Variants in MTFR1 observed in about 807,000 individuals in gnomAD.
MTFR1 encodes the protein chondrocyte protein with a poly-proline region.
A neutral mutation model predicts 38.8 loss-of-function variants in MTFR1; 28 were observed. The ratio of observed to expected loss-of-function variants is 0.72; its 90% CI spans 0.53 to 0.99. The LOEUF (loss-of-function observed/expected upper bound fraction) is 0.99, where lower values mean the gene tolerates loss of function less well. Ranked by LOEUF, MTFR1 falls within the 50% of genes least tolerant of loss-of-function variation. The probability of loss-of-function intolerance (pLI) is 0.00; values close to 1 mark genes in which losing one functional copy is unlikely to be tolerated. For missense variants in MTFR1, 358 were observed against 395.5 expected (o/e 0.91, Z 0.81); for synonymous variants, 145 against 137.0 (o/e 1.06, Z -0.41).
intron 3 of MTFR1, chr8:65,727,074 A>G: frequency 1.0e-6 from 1 of 1,001,204 alleles, no homozygotes; most frequent in African/African-American, 1.6e-5. Flanking sequence ...TCTAACATTC[A>G]TTGAGAATTT....
chr8:65,703,074 A>G (rs1159530470), intron 4 of MTFR1, among the ~76,000 whole-genome samples: 1 of 151,964 alleles, frequency 6.6e-6, no homozygotes, highest in African/African-American at 2.4e-5. Context: ...TTAACTGTTA[A>G]ACGTTTAAGG....
At chr8:65,658,465 A>C (rs1322371045) in intron 1 of MTFR1, among the ~76,000 whole-genome samples, 2 of 152,198 alleles carry the variant, frequency 1.3e-5, no homozygotes, top group Non-Finnish European at 2.9e-5. Context: ...TATTTCCAAT[A>C]TTTATCTGGG....
At chr8:65,716,822 T>C (rs146335165) in intron 2 of MTFR1, among the ~76,000 whole-genome samples, 1 of 152,318 alleles carries the variant, frequency 6.6e-6, no homozygotes, top group African/African-American at 2.4e-5. Flanking sequence ...CTGTACACAT[T>C]AAATATAGGC....
intron 3 of MTFR1, among the ~76,000 whole-genome samples, chr8:65,764,079 C>G (rs1433462444): frequency 6.6e-6 from 1 of 152,140 alleles, no homozygotes; most frequent in Non-Finnish European, 1.5e-5. Flanking sequence ...GCAGAATGCT[C>G]TGTGTCCTAA....
intron 1 of MTFR1, among the ~76,000 whole-genome samples, chr8:65,658,626 A>C (rs1809330979): frequency 6.6e-6 from 1 of 152,072 alleles, no homozygotes; most frequent in Non-Finnish European, 1.5e-5. Flanking sequence ...GCACATATAC[A>C]CACACACACA....
At chr8:65,707,528 C>T (rs1188645334) in intron 6 of MTFR1, among the ~76,000 whole-genome samples, 1 of 152,212 alleles carries the variant, frequency 6.6e-6, no homozygotes, top group African/African-American at 2.4e-5. Flanking sequence ...TGAGCATTCA[C>T]TAATTCAATA....
intron 3 of MTFR1, among the ~76,000 whole-genome samples, chr8:65,742,015 A>G (rs1489672574): frequency 1.3e-5 from 2 of 152,258 alleles, no homozygotes; most frequent in Non-Finnish European, 2.9e-5. Context: ...CATGCAAGAT[A>G]CCAACTGAGG....
upstream of MTFR1, among the ~76,000 whole-genome samples, chr8:65,644,403 C>T (rs893271123): frequency 5.9e-5 from 9 of 152,190 alleles, no homozygotes; most frequent in Non-Finnish European, 8.8e-5. Flanking sequence ...GCTTACGACT[C>T]GCAGCCTTTT....
intron 4 of MTFR1, among the ~76,000 whole-genome samples, chr8:65,695,141 A>G (rs923545344): frequency 6.6e-6 from 1 of 152,232 alleles, no homozygotes; most frequent in African/African-American, 2.4e-5. Context: ...AGACCAAGAA[A>G]TAGACCAACT....
rs1412004649 is a variant in MTFR1, at chr8:65,709,041, C to G, written c.999C>G (p.Ser333=). 3.1e-6 allele frequency: 5 copies of G among 1,613,846 alleles called. No homozygotes were observed. In the South Asian group the frequency reaches 3.3e-5, roughly 11 times the overall value. The change falls in exon 8 of 8, where the codon TCC becomes TCG. Residue 333 remains serine (S), a synonymous_variant. Coordinates refer to ENST00000262146, the MANE Select transcript of MTFR1 (RefSeq NM_014637.4). ...CTTTAATTGAAAATGTATCAGACTC[C>G]TAATAGACAATGAGCTGCGAAAAGA... is the stretch of plus-strand genomic sequence containing the variant. ...MKALIENVSD[S] is the part of the protein sequence containing the mutation.
chr8:65,749,826 C>G (rs529514622), intron 3 of MTFR1, among the ~76,000 whole-genome samples: 2 of 152,124 alleles, frequency 1.3e-5, no homozygotes, highest in African/African-American at 4.8e-5. Context: ...TATATTTCTA[C>G]AGTATTGTTT....
chr8:65,754,859 G>C (rs1808148039), intron 3 of MTFR1, among the ~76,000 whole-genome samples: 1 of 149,006 alleles, frequency 6.7e-6, no homozygotes, highest in African/African-American at 2.4e-5. Flanking sequence ...CATCTACTCG[G>C]GAGGCTGAGG....
At chr8:65,769,247 C>CAAAAAAAA (rs61554087) in intron 3 of MTFR1, among the ~76,000 whole-genome samples, 4 of 74,448 alleles carry the variant, frequency 5.4e-5, no homozygotes, top group Non-Finnish European at 7.8e-5. Flanking sequence ...GACTCAGTCT[C>CAAAAAAAA]AAAAAAAAAA....
chr8:65,774,846 C>T (rs563770040), downstream of MTFR1, among the ~76,000 whole-genome samples: 1 of 152,086 alleles, frequency 6.6e-6, no homozygotes. Flanking sequence ...TGCTAATACA[C>T]TGAATTTACT....
chr8:65,767,946 T>C (rs1443522785), intron 3 of MTFR1, among the ~76,000 whole-genome samples: 1 of 152,192 alleles, frequency 6.6e-6, no homozygotes, highest in African/African-American at 2.4e-5. Flanking sequence ...AGGCCAGGAC[T>C]TGTGACTGGT....
intron 3 of MTFR1, among the ~76,000 whole-genome samples, chr8:65,731,986 ATTGTTG>A (rs59755336): frequency 1.1e-4 from 15 of 138,766 alleles, no homozygotes; most frequent in Admixed American, 4.3e-4. Context: ...TATTATTATT[ATTGTTG>A]TTGTTGTTGT....
intron 1 of MTFR1, among the ~76,000 whole-genome samples, chr8:65,648,951 G>C (rs1421799479): frequency 1.3e-5 from 2 of 151,782 alleles, no homozygotes; most frequent in Non-Finnish European, 2.9e-5. Context: ...TTTTGAAATG[G>C]CCGATTTGAT....
At chr8:65,702,637 T>G (rs1022209136) in intron 4 of MTFR1, among the ~76,000 whole-genome samples, 4 of 152,262 alleles carry the variant, frequency 2.6e-5, no homozygotes, top group Middle Eastern at 3.4e-3. Context: ...ATAGAGTATG[T>G]TTTTTTACCT....
downstream of MTFR1, among the ~76,000 whole-genome samples, chr8:65,772,785 C>G (rs558966832): frequency 5.2e-4 from 79 of 152,232 alleles, no homozygotes; most frequent in Non-Finnish European, 1.0e-3. Context: ...AGGCAGATCA[C>G]TTGAGGTCAG....
Sources: gnomAD v4.1 joint callset for allele counts (sites outside exome capture counted in the v4.1 genomes callset) on GRCh38, gnomAD v4.1.1 for gene constraint, MANE v1.5 for transcripts, NCBI Gene and HGNC (gene_info 2026-07-23, HGNC 2026-07-21) for gene names.